Variants in MAP1LC3B2 observed in about 807,000 individuals in gnomAD.
The protein encoded by MAP1LC3B2 is microtubule-associated protein 1 light chain 3 beta 2.
For synonymous variants in MAP1LC3B2, 62 were observed against 57.8 expected (o/e 1.07, Z -0.33); for missense variants, 155 against 154.6 (o/e 1.00, Z -0.01).
Position 116,575,854 on chromosome 12 carries a change from ACAG to A in MAP1LC3B2, c.-88_-86del. 1.3e-6 allele frequency: 2 copies of A among 1,514,476 alleles called. No individual in the cohort carries two copies. Among genetic ancestry groups the A allele is most frequent in the Non-Finnish European group, 1.8e-6 (2 of 1,096,692 alleles). The allele number at this position is 1,514,476 out of a possible 1,614,324, so 93.8% of individuals were successfully genotyped here. The stretch of plus-strand genomic sequence containing the variant: ...TGTGCAAAAATAGCCTTACACGGCC[ACAG>A]TCGGATTCGCTGCCGCAGCAGCCGC... On this transcript the variant is annotated 5_prime_UTR_variant, in exon 2 of 2. Transcript: ENST00000556529.
At chr12:116,570,686 G>A (rs1869506548) in intron 1 of MAP1LC3B2, among the ~76,000 whole-genome samples, 1 of 152,150 alleles carries the variant, frequency 6.6e-6, no homozygotes, top group Admixed American at 6.5e-5. Flanking sequence ...CACCATGATT[G>A]TGAGGCCTCC....
chr12:116,563,316 T>C (rs891278238), intron 1 of MAP1LC3B2, among the ~76,000 whole-genome samples: 250 of 147,684 alleles, frequency 1.7e-3, no homozygotes, highest in African/African-American at 6.0e-3. Flanking sequence ...ATTCTACCAC[T>C]TTTTGTCAGT....
chr12:116,566,413 C>T (rs1002507205), intron 1 of MAP1LC3B2, among the ~76,000 whole-genome samples: 1 of 151,984 alleles, frequency 6.6e-6, no homozygotes, highest in Non-Finnish European at 1.5e-5. Flanking sequence ...AGAAGATGTT[C>T]TCTGCTTAGA....
intron 1 of MAP1LC3B2, among the ~76,000 whole-genome samples, chr12:116,567,264 C>T (rs1869413213): frequency 6.6e-6 from 1 of 152,026 alleles, no homozygotes. Context: ...TACATGTTAG[C>T]TATGTCCACC....
Position 116,576,063 on chromosome 12 carries a change from G to C in MAP1LC3B2, c.121G>C (p.Glu41Gln), listed in dbSNP as rs1348600459. The C allele has an allele frequency of 3.7e-6, 6 of 1,614,250 alleles. No homozygotes were observed. The highest frequency in any genetic ancestry group is 5.1e-6 in the Non-Finnish European group (6 of 1,180,042). ...IPVIIERYKG[E>Q]KQLPVLDKTK... ...GGTGATAATAGAACGATACAAGGGTGAGAAGCAGCTTCCTGTTCTGGATAA... is the reference window on the plus strand; with the variant it reads ...GGTGATAATAGAACGATACAAGGGTCAGAAGCAGCTTCCTGTTCTGGATAA... Residue 41 changes from glutamate (E) to glutamine (Q), a missense_variant, in exon 2 of 2, where the codon GAG becomes CAG. By Grantham distance (29) the Glu-to-Gln change is conservative. Coordinates refer to ENST00000556529, the MANE Select transcript of MAP1LC3B2 (RefSeq NM_001085481.3).
intron 1 of MAP1LC3B2, among the ~76,000 whole-genome samples, chr12:116,562,957 T>C (rs941394663): frequency 1.3e-5 from 2 of 151,632 alleles, no homozygotes; most frequent in Non-Finnish European, 2.9e-5. Flanking sequence ...AAACAAGAAC[T>C]TTATTTTATT....
chr12:116,569,036 T>A (rs1869461316), intron 1 of MAP1LC3B2, among the ~76,000 whole-genome samples: 3 of 151,204 alleles, frequency 2.0e-5, no homozygotes, highest in Admixed American at 2.0e-4. Flanking sequence ...ACTTTTTGTA[T>A]TTTTTTTAGT....
chr12:116,563,708 C>T (rs767185408), intron 1 of MAP1LC3B2, among the ~76,000 whole-genome samples: 1 of 152,076 alleles, frequency 6.6e-6, no homozygotes, highest in African/African-American at 2.4e-5. Flanking sequence ...TATTTTCATC[C>T]TCTCCTCCTG....
chr12:116,571,432 A>C (rs541373587), intron 1 of MAP1LC3B2, among the ~76,000 whole-genome samples: 5 of 139,194 alleles, frequency 3.6e-5, no homozygotes, highest in South Asian at 4.8e-4. Flanking sequence ...TCTCGTGAGA[A>C]TAGATGGGAG....
At chr12:116,560,196 A>G (rs1431403841) in intron 1 of MAP1LC3B2, 2 of 6,452 alleles carry the variant, frequency 3.1e-4, no homozygotes, top group Non-Finnish European at 7.1e-4. Flanking sequence ...GGCTATATAT[A>G]TATATATATA....
intron 1 of MAP1LC3B2, among the ~76,000 whole-genome samples, chr12:116,568,951 C>T (rs2136961824): frequency 6.6e-6 from 1 of 151,660 alleles, no homozygotes; most frequent in East Asian, 1.9e-4. Context: ...GCTTCGCCTC[C>T]TGGGTTCACG....
At chr12:116,560,601 A>G (rs1182798084) in intron 1 of MAP1LC3B2, among the ~76,000 whole-genome samples, 3 of 152,050 alleles carry the variant, frequency 2.0e-5, no homozygotes, top group African/African-American at 7.2e-5. Flanking sequence ...CCTCCACCAA[A>G]AAAAGAAAAG....
At chr12:116,574,925 G>A (rs559881893) in intron 1 of MAP1LC3B2, among the ~76,000 whole-genome samples, 2 of 151,924 alleles carry the variant, frequency 1.3e-5, no homozygotes, top group Non-Finnish European at 2.9e-5. Flanking sequence ...AAATGTCAGC[G>A]GGTGCAGTGG....
chr12:116,564,441 G>C (rs1480081204), intron 1 of MAP1LC3B2, among the ~76,000 whole-genome samples: 1 of 151,724 alleles, frequency 6.6e-6, no homozygotes, highest in East Asian at 1.9e-4. Context: ...AGTGGCTCTA[G>C]AGAAGCTTCT....
chr12:116,566,059 A>G (rs1869378043), intron 1 of MAP1LC3B2, among the ~76,000 whole-genome samples: 1 of 152,174 alleles, frequency 6.6e-6, no homozygotes, highest in Non-Finnish European at 1.5e-5. Context: ...TATGAGCAAC[A>G]TCTAGACAAT....
chr12:116,576,309 T>C lies in MAP1LC3B2; in HGVS notation c.367T>C (p.Leu123=). 2 of 1,613,808 alleles carry C rather than the reference T, an allele frequency of 1.2e-6. No individual in the cohort carries two copies. The highest frequency in any genetic ancestry group is 1.7e-6 in the Non-Finnish European group (2 of 1,179,966). The part of the protein sequence containing the change: ...CASQETFGMK[L]SV ...CTCCCAGGAGACGTTCGGGATGAAA[T>C]TGTCAGTGTAAAACCAGAAAAAATG... The change falls in exon 2 of 2, where the codon TTG becomes CTG. Residue 123 remains leucine (L), a synonymous_variant. Transcript: ENST00000556529.
chr12:116,566,853 TC>T (rs2136960738), intron 1 of MAP1LC3B2, among the ~76,000 whole-genome samples: 1 of 126,980 alleles, frequency 7.9e-6, no homozygotes, highest in Non-Finnish European at 1.6e-5. Flanking sequence ...ATTGCTTGAA[TC>T]CAGGAGGTAG....
At chr12:116,570,172 T>C (rs1869491318) in intron 1 of MAP1LC3B2, among the ~76,000 whole-genome samples, 1 of 152,202 alleles carries the variant, frequency 6.6e-6, no homozygotes, top group Non-Finnish European at 1.5e-5. Context: ...ATTACTAAAG[T>C]TCACAGGGTT....
At position 116,575,952 on chromosome 12, in the gene MAP1LC3B2, G is replaced by C. The variant is rs776882717; in HGVS notation, c.10G>C (p.Glu4Gln). Residue 4 changes from glutamate (E) to glutamine (Q), a missense_variant, in exon 2 of 2, where the codon GAG becomes CAG. Transcript: ENST00000556529. MPS[E>Q]KTFKQRRTFE... The stretch of plus-strand genomic sequence containing the variant: ...CCCAGATCCCCACACCATGCCGTCG[G>C]AGAAGACCTTCAAGCAGCGGCGCAC... The C allele has an allele frequency of 4.3e-6, 7 of 1,614,096 alleles. No individual in the cohort carries two copies. In the African/African-American group the frequency reaches 9.3e-5, roughly 22 times the overall value.
Sources: allele counts gnomAD v4.1 joint callset (sites outside exome capture counted in the v4.1 genomes callset), GRCh38; gene constraint gnomAD v4.1.1; transcripts MANE v1.5; gene names NCBI Gene and HGNC (gene_info 2026-07-23, HGNC 2026-07-21).